Variants in CSMD1 observed in about 807,000 individuals in gnomAD.
CSMD1 encodes CUB and sushi domain-containing protein 1.
In CSMD1, 213 loss-of-function variants were observed where a neutral mutation model predicts 417.5. The observed-to-expected ratio is 0.51, with a 90% CI of 0.46 to 0.57. The LOEUF (loss-of-function observed/expected upper bound fraction) is 0.57, where lower values mean the gene tolerates loss of function less well. Ranked by LOEUF, CSMD1 falls within the 20% of genes least tolerant of loss-of-function variation. CSMD1 has a pLI of 0.00. For synonymous variants in CSMD1, 2,862 were observed against 1,736.8 expected (o/e 1.65, Z -16.11); for missense variants, 6,923 against 4,529.7 (o/e 1.53, Z -15.17).
intron 5 of CSMD1, among the ~76,000 whole-genome samples, chr8:3,817,527 C>A (rs1055315679): frequency 1.3e-5 from 2 of 151,988 alleles, no homozygotes; most frequent in Non-Finnish European, 2.9e-5. Context: ...GATCCACCCA[C>A]CTCAGCCTCC....
At chr8:3,418,929 A>C (rs1563369470) in intron 12 of CSMD1, among the ~76,000 whole-genome samples, 2 of 152,250 alleles carry the variant, frequency 1.3e-5, no homozygotes, top group South Asian at 4.1e-4. Context: ...AATACATGAA[A>C]GGTATGCATA....
intron 1 of CSMD1, among the ~76,000 whole-genome samples, chr8:4,750,415 T>C (rs1279166811): frequency 1.3e-5 from 2 of 152,206 alleles, no homozygotes; most frequent in South Asian, 2.1e-4. Context: ...AGGATAAATA[T>C]GTGTTGCAAT....
At chr8:3,539,675 AG>A (rs1186576224) in intron 10 of CSMD1, among the ~76,000 whole-genome samples, 1 of 152,114 alleles carries the variant, frequency 6.6e-6, no homozygotes, top group Non-Finnish European at 1.5e-5. Context: ...TCACCCACTA[AG>A]AACCAAATCA....
intron 2 of CSMD1, among the ~76,000 whole-genome samples, chr8:4,462,290 A>C (rs1799882690): frequency 6.6e-6 from 1 of 152,222 alleles, no homozygotes; most frequent in Non-Finnish European, 1.5e-5. Context: ...AATAAATTTA[A>C]CAAAATAAGT....
At chr8:4,220,556 G>C (rs1455391327) in intron 3 of CSMD1, among the ~76,000 whole-genome samples, 1 of 152,204 alleles carries the variant, frequency 6.6e-6, no homozygotes, top group East Asian at 1.9e-4. Context: ...ACAATTTTAG[G>C]TTTTGTGTGA....
chr8:4,169,669 G>A (rs768407569), intron 3 of CSMD1, among the ~76,000 whole-genome samples: 35 of 152,144 alleles, frequency 2.3e-4, no homozygotes, highest in Admixed American at 3.9e-4. Context: ...AACGCCGGAA[G>A]AGCACACTCC....
intron 4 of CSMD1, among the ~76,000 whole-genome samples, chr8:4,021,281 T>C (rs2554586): frequency 0.42 from 63,274 of 152,052 alleles, 14,162 homozygotes; most frequent in South Asian, 0.63. Flanking sequence ...TGCATTAAAA[T>C]TATAATCCTT....
chr8:3,435,819 C>A (rs546164923), intron 12 of CSMD1, among the ~76,000 whole-genome samples: 1 of 152,190 alleles, frequency 6.6e-6, no homozygotes, highest in Non-Finnish European at 1.5e-5. Context: ...TGCAGAGTGA[C>A]AAGAGAAACA....
intron 12 of CSMD1, among the ~76,000 whole-genome samples, chr8:3,411,803 T>C (rs1204582124): frequency 7.8e-6 from 1 of 128,602 alleles, no homozygotes; most frequent in African/African-American, 2.9e-5. Flanking sequence ...CACGTATATA[T>C]ACACGTATAT....
chr8:3,712,438 CAGACAGAGAGAG>C (rs1343251892), intron 6 of CSMD1, among the ~76,000 whole-genome samples: 8 of 60,422 alleles, frequency 1.3e-4, no homozygotes, highest in African/African-American at 3.6e-4. Context: ...GACAGACAGA[CAGACAGAGAGAG>C]AGAGAAACTA....
At chr8:4,696,536 A>C (rs1212959591) in intron 1 of CSMD1, among the ~76,000 whole-genome samples, 2 of 152,228 alleles carry the variant, frequency 1.3e-5, no homozygotes, top group African/African-American at 4.8e-5. Flanking sequence ...CTACCCTGGA[A>C]GCCCCTAATA....
intron 10 of CSMD1, among the ~76,000 whole-genome samples, chr8:3,559,309 ATTGT>A (rs1447097774): frequency 2.0e-5 from 3 of 152,206 alleles, no homozygotes; most frequent in Admixed American, 1.3e-4. Flanking sequence ...CCATGGAATG[ATTGT>A]TTGTGATTTC....
intron 3 of CSMD1, among the ~76,000 whole-genome samples, chr8:4,273,955 G>A (rs1475836442): frequency 1.3e-5 from 2 of 152,064 alleles, no homozygotes; most frequent in Non-Finnish European, 2.9e-5. Context: ...AAGTGTCCTG[G>A]GAGTATTCAG....
chr8:4,848,286 G>A (rs1801260656), intron 1 of CSMD1, among the ~76,000 whole-genome samples: 1 of 152,140 alleles, frequency 6.6e-6, no homozygotes, highest in Non-Finnish European at 1.5e-5. Flanking sequence ...AAACATTGTT[G>A]TACCAGTTTT....
intron 5 of CSMD1, among the ~76,000 whole-genome samples, chr8:3,974,983 T>A (rs1813335254): frequency 1.3e-5 from 2 of 152,204 alleles, no homozygotes; most frequent in South Asian, 4.1e-4. Flanking sequence ...TTTCCCTATG[T>A]GGAATGCTTG....
At chr8:4,758,305 T>A (rs1216755896) in intron 1 of CSMD1, among the ~76,000 whole-genome samples, 1 of 152,244 alleles carries the variant, frequency 6.6e-6, no homozygotes, top group Non-Finnish European at 1.5e-5. Flanking sequence ...TTGAATGTTA[T>A]GCTTAATTCG....
chr8:3,937,941 G>T (rs190878228), intron 5 of CSMD1, among the ~76,000 whole-genome samples: 6 of 152,110 alleles, frequency 3.9e-5, no homozygotes, highest in Middle Eastern at 3.4e-3. Flanking sequence ...CTAATGTTTA[G>T]TTACATACTA....
intron 3 of CSMD1, among the ~76,000 whole-genome samples, chr8:4,219,268 T>C (rs567975955): frequency 2.4e-4 from 36 of 152,362 alleles, no homozygotes; most frequent in African/African-American, 8.4e-4. Flanking sequence ...TTTACAAATA[T>C]GTGATTATTT....
At chr8:4,136,332 T>A (rs983046890) in intron 3 of CSMD1, among the ~76,000 whole-genome samples, 1 of 152,172 alleles carries the variant, frequency 6.6e-6, no homozygotes, top group Admixed American at 6.5e-5. Context: ...CTTGATCTGT[T>A]AGTGATAATA....
Sources: allele counts gnomAD v4.1 joint callset (sites outside exome capture counted in the v4.1 genomes callset), GRCh38; gene constraint gnomAD v4.1.1; transcripts MANE v1.5; gene names NCBI Gene and HGNC (gene_info 2026-07-23, HGNC 2026-07-21).